ROBO1: variants seen among roughly 807,000 people sequenced by gnomAD.
ROBO1 encodes the protein roundabout homolog 1.
Under a neutral mutation model 195.9 loss-of-function variants are expected in ROBO1, and 149 were observed. The ratio of observed to expected loss-of-function variants is 0.76; its 90% confidence interval spans 0.67 to 0.87. ROBO1 has a LOEUF of 0.87. ROBO1 is among the 40% of genes least tolerant of loss of function. The pLI, the probability that ROBO1 is intolerant of heterozygous loss-of-function variation, is 0.00. For synonymous variants in ROBO1, 816 were observed against 733.2 expected (o/e 1.11, Z -1.82); for missense variants, 1,933 against 2,068.3 (o/e 0.93, Z 1.27).
At chr3:79,105,419 C>T (rs904313394) in intron 3 of ROBO1, among the ~76,000 whole-genome samples, 2 of 151,596 alleles carry the variant, frequency 1.3e-5, no homozygotes, top group Non-Finnish European at 3.0e-5. Context: ...CGATTGTACA[C>T]CTGTTAGTCT....
In ROBO1 at chr3:79,393,841, A is replaced by G. The variant is rs2037042246; in HGVS notation, c.88+195983T>C. ...GTCAGCTTTGATGGATGGATACTTGATTTCAAATTTAGTAGGCAGGGAACC... is the reference window on the plus strand; with the variant it reads ...GTCAGCTTTGATGGATGGATACTTGGTTTCAAATTTAGTAGGCAGGGAACC... On this transcript the variant is annotated intron_variant, in intron 2 of 30. Transcript: ENST00000464233. 2.6e-5 allele frequency among the ~76,000 whole-genome samples: 4 copies of G among 152,228 alleles called. No homozygotes were observed. In the South Asian group the frequency reaches 8.3e-4, roughly 31 times the overall value.
chr3:79,418,509 GAAC>G (rs960727362), intron 2 of ROBO1, among the ~76,000 whole-genome samples: 1 of 152,142 alleles, frequency 6.6e-6, no homozygotes, highest in Admixed American at 6.6e-5. Flanking sequence ...CCATTCAGTA[GAAC>G]AGCTATTTTT....
chr3:78,801,069 T>C (rs1187743692), intron 4 of ROBO1, among the ~76,000 whole-genome samples: 1 of 152,192 alleles, frequency 6.6e-6, no homozygotes, highest in South Asian at 2.1e-4. Context: ...GAGCACTTAT[T>C]ATTGTGTGAC....
chr3:79,233,838 T>G (rs2082360805), intron 2 of ROBO1, among the ~76,000 whole-genome samples: 1 of 152,166 alleles, frequency 6.6e-6, no homozygotes, highest in South Asian at 2.1e-4. Context: ...CTCTGCAGCC[T>G]CAACAGCAAC....
chr3:78,855,289 C>A (rs948374643), intron 4 of ROBO1, among the ~76,000 whole-genome samples: 1 of 152,096 alleles, frequency 6.6e-6, no homozygotes, highest in African/African-American at 2.4e-5. Context: ...CCTAAGTGCC[C>A]AAGTTAGCAT....
intron 4 of ROBO1, among the ~76,000 whole-genome samples, chr3:78,794,124 T>A (rs546243880): frequency 6.6e-6 from 1 of 152,300 alleles, no homozygotes; most frequent in African/African-American, 2.4e-5. Context: ...GGTCATATGG[T>A]ACACTGGCTA....
intron 7 of ROBO1, 148 bp downstream of exon 7, chr3:78,717,127 C>T: frequency 1.3e-6 from 1 of 788,014 alleles, no homozygotes; most frequent in Non-Finnish European, 1.9e-6. Context: ...TGGCAACCTC[C>T]TGCTTCTAAT....
At chr3:79,409,441 T>C (rs778253372) in intron 2 of ROBO1, among the ~76,000 whole-genome samples, 2 of 152,152 alleles carry the variant, frequency 1.3e-5, no homozygotes, top group Non-Finnish European at 2.9e-5. Context: ...TCTCCATTCA[T>C]AAGGAAATTG....
intron 1 of ROBO1, among the ~76,000 whole-genome samples, chr3:79,724,493 T>C (rs1477001861): frequency 6.6e-6 from 1 of 152,176 alleles, no homozygotes; most frequent in African/African-American, 2.4e-5. Context: ...TTACGAAACA[T>C]GGAGACTTAT....
chr3:78,635,501 T>C (rs1157625549), intron 23 of ROBO1, among the ~76,000 whole-genome samples: 4 of 152,138 alleles, frequency 2.6e-5, no homozygotes, highest in African/African-American at 9.7e-5. Flanking sequence ...GAATAAAAGA[T>C]TGTCCGTCCC....
At chr3:79,222,936 G>A (rs1388376007) in intron 2 of ROBO1, among the ~76,000 whole-genome samples, 30 of 152,006 alleles carry the variant, frequency 2.0e-4, no homozygotes, top group Admixed American at 6.6e-5. Flanking sequence ...TTTTCTTTCT[G>A]GTTCTCAATA....
chr3:79,760,423 G>GATGTATTTGAAAA (rs1704633922), intron 1 of ROBO1, among the ~76,000 whole-genome samples: 2 of 133,262 alleles, frequency 1.5e-5, no homozygotes, highest in Non-Finnish European at 3.2e-5. Flanking sequence ...TTGAAAAAAC[G>GATGTATTTGAAAA]ATACAAAATT....
At chr3:78,749,384 T>G (rs1448059624) in intron 4 of ROBO1, among the ~76,000 whole-genome samples, 1 of 152,116 alleles carries the variant, frequency 6.6e-6, no homozygotes, top group Non-Finnish European at 1.5e-5. Context: ...AAATATTTAC[T>G]ATGTTATTTG....
chr3:79,325,513 G>A (rs138857494), intron 2 of ROBO1, among the ~76,000 whole-genome samples: 8 of 152,278 alleles, frequency 5.3e-5, no homozygotes, highest in East Asian at 3.9e-4. Context: ...AAATATTAAC[G>A]TAATGTGTCG....
At chr3:79,138,295 T>A (rs969180107) in intron 2 of ROBO1, among the ~76,000 whole-genome samples, 3 of 152,026 alleles carry the variant, frequency 2.0e-5, no homozygotes, top group Admixed American at 1.3e-4. Context: ...AATCAATACT[T>A]TTTTTGTTGA....
chr3:79,219,689 G>T lies in ROBO1; in HGVS notation c.89-94150C>A, dbSNP rs115013407. 8.9e-3 allele frequency among the ~76,000 whole-genome samples: 1,359 copies of T among 152,088 alleles called. 12 individuals are homozygous for T. The highest frequency in any genetic ancestry group is 0.015 in the Non-Finnish European group (1,008 of 67,922). ...TTTTCTAGTAATTGCATGATGATCT[G>T]CCCTTGCTGATTCTTATGGGAATGA... On this transcript the variant is annotated intron_variant, in intron 2 of 30. Coordinates refer to ENST00000464233, the MANE Select transcript of ROBO1 (RefSeq NM_002941.4).
intron 1 of ROBO1, among the ~76,000 whole-genome samples, chr3:79,684,047 C>T (rs1947028291): frequency 6.6e-6 from 1 of 152,016 alleles, no homozygotes; most frequent in Admixed American, 6.6e-5. Context: ...AGTGTTTGCG[C>T]CATTTTAGAT....
chr3:78,665,228 A>C (rs1234456882), intron 14 of ROBO1, among the ~76,000 whole-genome samples: 1 of 152,176 alleles, frequency 6.6e-6, no homozygotes, highest in Non-Finnish European at 1.5e-5. Context: ...TCTAAGTAAA[A>C]AGAGAAAAAT....
At chr3:78,826,562 C>T (rs1202800478) in intron 4 of ROBO1, among the ~76,000 whole-genome samples, 1 of 152,174 alleles carries the variant, frequency 6.6e-6, no homozygotes, top group Non-Finnish European at 1.5e-5. Flanking sequence ...CCTTCACCAA[C>T]AACCCTACTG....
Sources: allele counts gnomAD v4.1 joint callset (sites outside exome capture counted in the v4.1 genomes callset), GRCh38; gene constraint gnomAD v4.1.1; transcripts MANE v1.5; gene names NCBI Gene and HGNC (gene_info 2026-07-23, HGNC 2026-07-21).